The following NTM variants were observed in gnomAD, a reference collection of about 807,000 sequenced individuals.
NTM encodes neurotrimin.
In NTM, 13 loss-of-function variants were observed where a neutral mutation model predicts 42.1. That is an observed-to-expected ratio of 0.31 (90% CI 0.20 to 0.49). NTM has a LOEUF of 0.49. Among genes scored for constraint, NTM ranks in the 20% least tolerant of loss-of-function variants. The pLI is 0.99. For missense variants in NTM, 373 were observed against 452.8 expected (o/e 0.82, Z 1.60); for synonymous variants, 187 against 179.2 (o/e 1.04, Z -0.35).
chr11:131,788,682 T>C (rs780929818), intron 1 of NTM, among the ~76,000 whole-genome samples: 4 of 152,202 alleles, frequency 2.6e-5, no homozygotes, highest in Non-Finnish European at 5.9e-5. Context: ...GATGTAATAT[T>C]TGGGAAATGT....
chr11:132,244,777 G>T (rs2090818336), intron 4 of NTM, among the ~76,000 whole-genome samples: 1 of 152,210 alleles, frequency 6.6e-6, no homozygotes, highest in African/African-American at 2.4e-5. Flanking sequence ...TGCAGCCAGT[G>T]TGGTGGGCCG....
intron 1 of NTM, among the ~76,000 whole-genome samples, chr11:131,636,352 C>T (rs116198965): frequency 0.012 from 1,806 of 152,242 alleles, 29 homozygotes; most frequent in African/African-American, 0.035. Context: ...CGTTCCAGGA[C>T]CCCCACAAAT....
At chr11:132,070,339 C>T (rs2136145970) in intron 2 of NTM, among the ~76,000 whole-genome samples, 1 of 142,730 alleles carries the variant, frequency 7.0e-6, no homozygotes, top group South Asian at 2.5e-4. Context: ...TTACACGTCA[C>T]ACAGCCAAAA....
At chr11:132,217,358 C>CTG (rs375759515) in intron 4 of NTM, among the ~76,000 whole-genome samples, 9,494 of 142,604 alleles carry the variant, frequency 0.067, 320 homozygotes, top group African/African-American at 0.11. Flanking sequence ...CTCTCTCTTT[C>CTG]TGTGTGTGTG....
chr11:132,172,602 G>A (rs953300629), intron 3 of NTM, among the ~76,000 whole-genome samples: 80 of 152,270 alleles, frequency 5.3e-4, no homozygotes, highest in African/African-American at 1.7e-3. Flanking sequence ...GGAAAGGCTC[G>A]CCATGATTCA....
intron 2 of NTM, among the ~76,000 whole-genome samples, chr11:131,920,322 C>T (rs2057038455): frequency 6.6e-6 from 1 of 152,162 alleles, no homozygotes; most frequent in South Asian, 2.1e-4. Context: ...TTCATATCTC[C>T]TGATGATTGG....
In NTM at chr11:132,219,635, C is replaced by T. The variant is rs181526325; in HGVS notation, c.526+7488C>T. Reference sequence around the variant, plus strand: ...AATTCATAAGAAAAGGCCCTCCCCCCCCACTGTCTTCCTCATGTGTACTCA... The same window carrying T: ...AATTCATAAGAAAAGGCCCTCCCCCTCCACTGTCTTCCTCATGTGTACTCA... On this transcript the variant is annotated intron_variant, in intron 4 of 8. Coordinates refer to ENST00000683400, the MANE Select transcript of NTM (RefSeq NM_001352005.2). 2.5e-4 allele frequency among the ~76,000 whole-genome samples: 38 copies of T among 152,110 alleles called. No homozygotes were observed. In the East Asian group the frequency reaches 6.0e-3, roughly 24 times the overall value.
At chr11:131,518,380 G>A (rs1335456540) in intron 1 of NTM, among the ~76,000 whole-genome samples, 2 of 152,142 alleles carry the variant, frequency 1.3e-5, no homozygotes, top group African/African-American at 2.4e-5. Flanking sequence ...CATTCTGCAC[G>A]TGGGCTGTAG....
At chr11:131,462,789 G>C (rs561627672) in intron 1 of NTM, among the ~76,000 whole-genome samples, 2 of 151,704 alleles carry the variant, frequency 1.3e-5, no homozygotes, top group South Asian at 4.2e-4. Flanking sequence ...ACCTAGGGTG[G>C]TCCACCACCT....
chr11:131,626,599 T>C (rs1437352697), intron 1 of NTM, among the ~76,000 whole-genome samples: 1 of 152,094 alleles, frequency 6.6e-6, no homozygotes, highest in East Asian at 1.9e-4. Context: ...ACAACAAACA[T>C]TGCAAACCAG....
chr11:132,252,587 TGAATAA>T (rs1439122213), intron 4 of NTM, among the ~76,000 whole-genome samples: 1 of 152,160 alleles, frequency 6.6e-6, no homozygotes, highest in African/African-American at 2.4e-5. Context: ...GATGGGTAGA[TGAATAA>T]GAAGTTGGTT....
chr11:132,100,572 C>T (rs2136543154), intron 2 of NTM, among the ~76,000 whole-genome samples: 1 of 152,336 alleles, frequency 6.6e-6, no homozygotes. Context: ...GAATCCATTT[C>T]TTCATTTCCT....
chr11:132,291,724 A>T (rs959005565), intron 4 of NTM, among the ~76,000 whole-genome samples: 8 of 152,210 alleles, frequency 5.3e-5, no homozygotes, highest in Non-Finnish European at 1.2e-4. Context: ...GGAGATTATG[A>T]CATTATAGAA....
chr11:132,252,640 A>C (rs917213437), intron 4 of NTM, among the ~76,000 whole-genome samples: 1 of 152,172 alleles, frequency 6.6e-6, no homozygotes, highest in East Asian at 1.9e-4. Context: ...CAGCTTTGAG[A>C]TACTTCTTGG....
At chr11:132,152,421 C>T (rs1359231912) in intron 3 of NTM, among the ~76,000 whole-genome samples, 3 of 152,142 alleles carry the variant, frequency 2.0e-5, no homozygotes, top group Non-Finnish European at 4.4e-5. Context: ...ACTGATCATC[C>T]CAAACTGCTT....
At chr11:131,654,768 C>G (rs1404567840) in intron 1 of NTM, among the ~76,000 whole-genome samples, 1 of 152,204 alleles carries the variant, frequency 6.6e-6, no homozygotes, top group Non-Finnish European at 1.5e-5. Flanking sequence ...GACACACCCA[C>G]TCCCCTTGCC....
At chr11:131,462,823 G>A (rs1223322092) in intron 1 of NTM, among the ~76,000 whole-genome samples, 1 of 151,816 alleles carries the variant, frequency 6.6e-6, no homozygotes, top group Non-Finnish European at 1.5e-5. Context: ...GGCCCACCTA[G>A]GGTGGTCCAC....
chr11:131,881,330 G>A (rs533489396), intron 1 of NTM, among the ~76,000 whole-genome samples: 1 of 152,294 alleles, frequency 6.6e-6, no homozygotes, highest in African/African-American at 2.4e-5. Context: ...CTTCAGTAGT[G>A]AAAGGTACAT....
chr11:132,125,584 GGTGTGTA>G (rs1167927850), intron 2 of NTM, among the ~76,000 whole-genome samples: 6 of 140,040 alleles, frequency 4.3e-5, no homozygotes, highest in Non-Finnish European at 6.2e-5. Context: ...ATGTGTATGT[GGTGTGTA>G]GTGTGTGGTG....
Sources: allele counts gnomAD v4.1 joint callset (sites outside exome capture counted in the v4.1 genomes callset), GRCh38; gene constraint gnomAD v4.1.1; transcripts MANE v1.5; gene names NCBI Gene and HGNC (gene_info 2026-07-23, HGNC 2026-07-21).